The following AGBL4 variants were observed in gnomAD, a reference collection of about 807,000 sequenced individuals.
AGBL4 encodes the protein cytosolic carboxypeptidase 6.
Under a neutral mutation model 66.4 loss-of-function variants are expected in AGBL4, and 58 were observed. That is an observed-to-expected ratio of 0.87 (90% CI 0.71 to 1.09). The LOEUF is 1.09. AGBL4 is among the 50% of genes least tolerant of loss of function. The probability of loss-of-function intolerance (pLI) is 0.00; values close to 1 mark genes in which losing one functional copy is unlikely to be tolerated. For missense variants in AGBL4, 579 were observed against 631.0 expected, an observed-to-expected ratio of 0.92 and a Z score of 0.88; for synonymous variants, 234 against 222.9, an observed-to-expected ratio of 1.05 and a Z score of -0.44.
intron 5 of AGBL4, among the ~76,000 whole-genome samples, chr1:49,004,821 A>C (rs3121517): frequency 0.57 from 86,755 of 152,030 alleles, 25,182 homozygotes; most frequent in Non-Finnish European, 0.61. Context: ...AGATGGACCA[A>C]TTGTACAAGG....
chr1:49,476,244 T>C (rs1011279841), intron 3 of AGBL4, among the ~76,000 whole-genome samples: 3 of 152,104 alleles, frequency 2.0e-5, no homozygotes, highest in Non-Finnish European at 4.4e-5. Context: ...ATCTTCTTGG[T>C]ACTGATTTCT....
At chr1:48,905,491 T>C (rs1652500491) in intron 5 of AGBL4, among the ~76,000 whole-genome samples, 1 of 152,184 alleles carries the variant, frequency 6.6e-6, no homozygotes, top group Non-Finnish European at 1.5e-5. Flanking sequence ...AGATAATCCA[T>C]GTTTCTCATA....
chr1:49,836,923 A>C (rs1645866060), intron 2 of AGBL4, among the ~76,000 whole-genome samples: 1 of 152,194 alleles, frequency 6.6e-6, no homozygotes, highest in Admixed American at 6.5e-5. Flanking sequence ...AGAACAGCTA[A>C]GATTGCTGCT....
At chr1:49,128,859 T>G (rs1231283544) in intron 4 of AGBL4, among the ~76,000 whole-genome samples, 1 of 151,766 alleles carries the variant, frequency 6.6e-6, no homozygotes, top group African/African-American at 2.4e-5. Flanking sequence ...GAAGATAATA[T>G]GATAAAAATG....
intron 2 of AGBL4, among the ~76,000 whole-genome samples, chr1:49,750,107 C>G (rs2147834244): frequency 6.6e-6 from 1 of 152,152 alleles, no homozygotes; most frequent in South Asian, 2.1e-4. Flanking sequence ...AAACCATATA[C>G]AAAAATTACC....
chr1:49,051,018 G>A (rs1644199986), intron 4 of AGBL4, among the ~76,000 whole-genome samples: 1 of 152,012 alleles, frequency 6.6e-6, no homozygotes, highest in Non-Finnish European at 1.5e-5. Flanking sequence ...CAGACCTAAT[G>A]CAGTACATAA....
chr1:49,476,826 T>A (rs1646856390), intron 3 of AGBL4, among the ~76,000 whole-genome samples: 1 of 152,052 alleles, frequency 6.6e-6, no homozygotes, highest in Admixed American at 6.6e-5. Context: ...GCCTGAGGGT[T>A]GCTCAGTACA....
At chr1:49,313,546 G>A (rs1371693400) in intron 3 of AGBL4, among the ~76,000 whole-genome samples, 1 of 152,108 alleles carries the variant, frequency 6.6e-6, no homozygotes, top group Admixed American at 6.6e-5. Flanking sequence ...ATTGTTTCCT[G>A]AATTTTTAAT....
At chr1:49,227,630 T>C (rs1650011998) in intron 4 of AGBL4, among the ~76,000 whole-genome samples, 1 of 152,204 alleles carries the variant, frequency 6.6e-6, no homozygotes, top group South Asian at 2.1e-4. Flanking sequence ...TTGTCTTCTG[T>C]AGCTTATTTA....
intron 7 of AGBL4, among the ~76,000 whole-genome samples, chr1:48,659,989 C>T (rs569376903): frequency 6.6e-6 from 1 of 152,302 alleles, no homozygotes; most frequent in South Asian, 2.1e-4. Flanking sequence ...GTGGTTTTCC[C>T]AGGGTTACAT....
intron 3 of AGBL4, among the ~76,000 whole-genome samples, chr1:49,434,355 C>T (rs1432024004): frequency 6.6e-6 from 1 of 152,120 alleles, no homozygotes; most frequent in Non-Finnish European, 1.5e-5. Flanking sequence ...GTCCTTTCAA[C>T]TGTTACCTAT....
intron 11 of AGBL4, among the ~76,000 whole-genome samples, chr1:48,580,154 C>G (rs978873436): frequency 1.3e-5 from 2 of 152,156 alleles, no homozygotes; most frequent in African/African-American, 4.8e-5. Context: ...GTGACCCCAA[C>G]AGGGGTAAAC....
At chr1:49,430,067 A>G (rs1006883234) in intron 3 of AGBL4, among the ~76,000 whole-genome samples, 5 of 151,852 alleles carry the variant, frequency 3.3e-5, no homozygotes, top group Non-Finnish European at 5.9e-5. Flanking sequence ...GGCTGGTCTC[A>G]AACTCAAACT....
chr1:49,418,953 G>T (rs1181093469), intron 3 of AGBL4, among the ~76,000 whole-genome samples: 1 of 152,118 alleles, frequency 6.6e-6, no homozygotes, highest in African/African-American at 2.4e-5. Context: ...ATTTTAGAAG[G>T]TTAACAGTGG....
At chr1:49,773,080 G>T (rs1193588725) in intron 2 of AGBL4, among the ~76,000 whole-genome samples, 1 of 151,992 alleles carries the variant, frequency 6.6e-6, no homozygotes, top group Non-Finnish European at 1.5e-5. Context: ...ACGTCTTCAA[G>T]TTCAGGATTT....
At chr1:49,268,422 AC>A in intron 3 of AGBL4, among the ~76,000 whole-genome samples, 1 of 59,032 alleles carries the variant, frequency 1.7e-5, no homozygotes, top group Non-Finnish European at 8.0e-5. Context: ...ACACACACAC[AC>A]ACACACACAC....
At chr1:49,642,236 C>T (rs1389962993) in intron 3 of AGBL4, among the ~76,000 whole-genome samples, 1 of 151,914 alleles carries the variant, frequency 6.6e-6, no homozygotes, top group Non-Finnish European at 1.5e-5. Flanking sequence ...TACCTTCCTG[C>T]ATGAAACAAA....
intron 3 of AGBL4, among the ~76,000 whole-genome samples, chr1:49,371,849 G>A (rs1255890340): frequency 1.3e-5 from 2 of 150,890 alleles, no homozygotes; most frequent in African/African-American, 4.9e-5. Flanking sequence ...GTGTGTGTGT[G>A]TGTGTGTGTG....
At chr1:49,603,146 C>T (rs1041659196) in intron 3 of AGBL4, among the ~76,000 whole-genome samples, 1 of 152,004 alleles carries the variant, frequency 6.6e-6, no homozygotes, top group Non-Finnish European at 1.5e-5. Flanking sequence ...ACTTCCTGAG[C>T]TAAAGGTGAA....
Sources: allele counts gnomAD v4.1 joint callset (sites outside exome capture counted in the v4.1 genomes callset), GRCh38; gene constraint gnomAD v4.1.1; transcripts MANE v1.5; gene names NCBI Gene and HGNC (gene_info 2026-07-23, HGNC 2026-07-21).